Variants in TTLL7 observed in about 807,000 individuals in gnomAD.
TTLL7 encodes the protein tubulin tyrosine ligase like 7, also known as tubulin polyglutamylase TTLL7.
A neutral mutation model predicts 120.2 loss-of-function variants in TTLL7; 53 were observed. The ratio of observed to expected loss-of-function variants is 0.44; its 90% CI spans 0.35 to 0.55. TTLL7 has a LOEUF of 0.55. Among genes scored for constraint, TTLL7 ranks in the 20% least tolerant of loss-of-function variants. TTLL7 has a pLI of 0.00. For synonymous variants in TTLL7, 353 were observed against 351.7 expected (o/e 1.00, Z -0.04); for missense variants, 803 against 1,054.7 (o/e 0.76, Z 3.31).
At chr1:83,977,685 GA>G (rs1263275855) in intron 1 of TTLL7, among the ~76,000 whole-genome samples, 2 of 152,038 alleles carry the variant, frequency 1.3e-5, no homozygotes, top group Non-Finnish European at 2.9e-5. Flanking sequence ...TTTCCCCTTG[GA>G]ACACAAACAG....
chr1:83,897,743 G>A (rs1444826051), intron 18 of TTLL7, among the ~76,000 whole-genome samples: 1 of 151,784 alleles, frequency 6.6e-6, no homozygotes, highest in Non-Finnish European at 1.5e-5. Context: ...TAAAGTCTGA[G>A]GTTCTTCCTA....
At chr1:83,883,898 G>A (rs1038444565) in intron 19 of TTLL7, among the ~76,000 whole-genome samples, 9 of 151,938 alleles carry the variant, frequency 5.9e-5, no homozygotes, top group Non-Finnish European at 2.9e-5. Flanking sequence ...CTGTGTGCTA[G>A]AAGTAATGCT....
intron 20 of TTLL7, among the ~76,000 whole-genome samples, chr1:83,871,327 T>A (rs1332093761): frequency 6.6e-6 from 1 of 152,220 alleles, no homozygotes. Flanking sequence ...AGAATCTGTT[T>A]TCCTGTGAAA....
intron 14 of TTLL7, among the ~76,000 whole-genome samples, chr1:83,914,952 T>C (rs1658013118): frequency 6.6e-6 from 1 of 152,158 alleles, no homozygotes; most frequent in African/African-American, 2.4e-5. Flanking sequence ...CCTCAGGAAC[T>C]TGCAACCTCA....
At chr1:83,973,477 T>C (rs1651180771) in intron 1 of TTLL7, among the ~76,000 whole-genome samples, 2 of 152,102 alleles carry the variant, frequency 1.3e-5, no homozygotes, top group South Asian at 4.1e-4. Flanking sequence ...TGTAGTTTTA[T>C]AGTAAGTCTT....
At chr1:83,987,241 A>G (rs1652550676) in intron 1 of TTLL7, among the ~76,000 whole-genome samples, 1 of 151,052 alleles carries the variant, frequency 6.6e-6, no homozygotes, top group African/African-American at 2.4e-5. Flanking sequence ...AGGAAGGTTT[A>G]CATGGAAAAA....
chr1:83,960,532 T>C (rs895192750), intron 1 of TTLL7, among the ~76,000 whole-genome samples: 1 of 152,102 alleles, frequency 6.6e-6, no homozygotes, highest in African/African-American at 2.4e-5. Context: ...GATGGCACAA[T>C]TCATCAAGAG....
intron 14 of TTLL7, among the ~76,000 whole-genome samples, chr1:83,916,310 C>T (rs1015817545): frequency 3.9e-5 from 6 of 152,030 alleles, no homozygotes; most frequent in African/African-American, 1.2e-4. Flanking sequence ...ACTATGCAGC[C>T]ATAAAAAAGG....
chr1:83,899,137 T>C (rs1418040578), intron 18 of TTLL7, among the ~76,000 whole-genome samples: 1 of 151,902 alleles, frequency 6.6e-6, no homozygotes, highest in East Asian at 1.9e-4. Context: ...TTAAAGTAGT[T>C]ACTCATGGGT....
At chr1:83,891,597 G>A (rs1198577010) in intron 18 of TTLL7, among the ~76,000 whole-genome samples, 5 of 152,146 alleles carry the variant, frequency 3.3e-5, no homozygotes, top group Admixed American at 6.6e-5. Context: ...AAAATAGGAG[G>A]CAGCATGTAC....
At chr1:83,977,845 T>C (rs1651630668) in intron 1 of TTLL7, among the ~76,000 whole-genome samples, 2 of 152,164 alleles carry the variant, frequency 1.3e-5, no homozygotes, top group African/African-American at 4.8e-5. Flanking sequence ...GATCCGACAA[T>C]GTAGGTATGG....
intron 1 of TTLL7, among the ~76,000 whole-genome samples, chr1:83,965,419 C>G (rs942476166): frequency 7.2e-5 from 11 of 151,996 alleles, no homozygotes; most frequent in African/African-American, 2.7e-4. Flanking sequence ...TGCCTGCTTC[C>G]CCTGCCACCA....
At chr1:83,883,205 C>T (rs544711220) in intron 19 of TTLL7, 69 bp from the exon 20 acceptor site, 1 of 1,297,820 alleles carries the variant, frequency 7.7e-7, no homozygotes, top group East Asian at 2.4e-5. Flanking sequence ...TATATCACTT[C>T]CCTAGCAACA....
intron 7 of TTLL7, among the ~76,000 whole-genome samples, chr1:83,941,170 C>T (rs947143688): frequency 2.6e-5 from 4 of 152,194 alleles, no homozygotes; most frequent in African/African-American, 7.2e-5. Context: ...CCTCTCTAAC[C>T]TTTATCTCCA....
intron 1 of TTLL7, among the ~76,000 whole-genome samples, chr1:83,964,978 T>G (rs534421059): frequency 1.3e-5 from 2 of 152,238 alleles, no homozygotes; most frequent in East Asian, 1.9e-4. Context: ...AAATGTGCAT[T>G]CTTTAGAACA....
chr1:83,947,072 C>T (rs1008274606), intron 6 of TTLL7, 52 bp downstream of exon 6: 11 of 1,455,708 alleles, frequency 7.6e-6, no homozygotes, highest in Non-Finnish European at 1.0e-5. Flanking sequence ...TTATTCTCCC[C>T]ACTCCCAAAT....
intron 14 of TTLL7, among the ~76,000 whole-genome samples, chr1:83,914,323 C>CTTTTTTTTTTTTTTTTTTT (rs1171299360): frequency 2.6e-5 from 2 of 78,244 alleles, no homozygotes; most frequent in Non-Finnish European, 4.5e-5. Flanking sequence ...CTCTCTCTCT[C>CTTTTTTTTTTTTTTTTTTT]TTTTTTTTTT....
Position 83,910,457 on chromosome 1 carries a change from T to C in TTLL7, c.1786+708A>G, listed in dbSNP as rs74346130. On this transcript the variant is annotated intron_variant, in intron 15 of 20. Transcript: ENST00000260505. Reference sequence around the variant, plus strand: ...GCAAACAGCAATCCCACACTGGACATTTGGGGATGAAAGAAAAATCACAGA... The same window carrying C: ...GCAAACAGCAATCCCACACTGGACACTTGGGGATGAAAGAAAAATCACAGA... 7.0e-3 allele frequency among the ~76,000 whole-genome samples: 1,071 copies of C among 152,128 alleles called. 7 individuals are homozygous for C. Among genetic ancestry groups the C allele is most frequent in the Non-Finnish European group, 0.011 (775 of 67,994 alleles).
chr1:83,867,495 T>C lies in TTLL7; in HGVS notation c.*2467A>G, dbSNP rs2100684459. 1 of 152,036 alleles carries C rather than the reference T, an allele frequency of 6.6e-6. No individual in the cohort carries two copies. Among genetic ancestry groups the C allele is most frequent in the South Asian group, 2.1e-4 (1 of 4,820 alleles). The allele number at this position is 152,036 out of a possible 1,614,324, so 9.4% of individuals were successfully genotyped here. On this transcript the variant is annotated 3_prime_UTR_variant, in exon 21 of 21. Coordinates refer to ENST00000260505, the MANE Select transcript of TTLL7 (RefSeq NM_024686.6). ...TATTTGTTGAAATCAATTTGTGGGG[T>C]ACTTTCATACATTTAAATTTACTCA...
Sources: allele counts gnomAD v4.1 joint callset (sites outside exome capture counted in the v4.1 genomes callset), GRCh38; gene constraint gnomAD v4.1.1; transcripts MANE v1.5; gene names NCBI Gene and HGNC (gene_info 2026-07-23, HGNC 2026-07-21).